LRP4: variants seen among roughly 807,000 people sequenced by gnomAD.
LRP4 encodes the protein LDL receptor related protein 4, also known as low-density lipoprotein receptor-related protein 4.
In LRP4, 95 loss-of-function variants were observed where a neutral mutation model predicts 220.3. The observed-to-expected ratio is 0.43, with a 90% CI of 0.37 to 0.51. The LOEUF is 0.51. Ranked by LOEUF, LRP4 falls within the 20% of genes least tolerant of loss-of-function variation. The probability of loss-of-function intolerance (pLI) is 0.00; values close to 1 mark genes in which losing one functional copy is unlikely to be tolerated. For synonymous variants in LRP4, 903 were observed against 954.6 expected, an observed-to-expected ratio of 0.95 and a Z score of 1.00; for missense variants, 1,925 against 2,567.0, an observed-to-expected ratio of 0.75 and a Z score of 5.40.
intron 7 of LRP4, among the ~76,000 whole-genome samples, chr11:46,897,997 G>T (rs796928310): frequency 7.5e-6 from 1 of 132,528 alleles, no homozygotes; most frequent in Admixed American, 7.5e-5. Flanking sequence ...CTGGCCGGGC[G>T]GGGGGCTGAC....
chr11:46,874,229 G>A (rs148851146), intron 28 of LRP4: 1 of 162,228 alleles, frequency 6.2e-6, no homozygotes, highest in Non-Finnish European at 1.4e-5. Flanking sequence ...CCCAGTTTGA[G>A]ATTCTAATAC....
Position 46,864,428 on chromosome 11 carries a change from T to C in LRP4, c.5243+20A>G, listed in dbSNP as rs1489510664. The stretch of plus-strand genomic sequence containing the variant: ...TGAAGACCAATGAGCATGTGGCCCC[T>C]GTAGCAAGACTGAAGTTACCTGTAC... On this transcript the variant is annotated intron_variant, in intron 36 of 37. Transcript: ENST00000378623. 1.9e-6 allele frequency: 3 copies of C among 1,579,240 alleles called. No homozygotes were observed. Among genetic ancestry groups the C allele is most frequent in the African/African-American group, 1.3e-5 (1 of 74,134 alleles).
At chr11:46,864,125 A>G (rs1328502161) in intron 36 of LRP4, among the ~76,000 whole-genome samples, 1 of 152,196 alleles carries the variant, frequency 6.6e-6, no homozygotes, top group Non-Finnish European at 1.5e-5. Flanking sequence ...TACTGGAAAA[A>G]GCAAAGATGT....
At chr11:46,891,711 G>A (rs1159856960) in intron 13 of LRP4, among the ~76,000 whole-genome samples, 1 of 151,938 alleles carries the variant, frequency 6.6e-6, no homozygotes, top group Non-Finnish European at 1.5e-5. Flanking sequence ...GAACTCCAGG[G>A]CTCAGGTGAT....
rs1286337345 is a variant in LRP4, at chr11:46,890,347, C to T, written c.1845G>A (p.Val615=). 6.2e-7 allele frequency: 1 copy of T among 1,614,042 alleles called. No homozygotes were observed. Among genetic ancestry groups the T allele is most frequent in the African/African-American group, 1.3e-5 (1 of 74,922 alleles). The change falls in exon 14 of 38, where the codon GTG becomes GTA. Residue 615 remains valine, a synonymous_variant. Transcript: ENST00000378623. The surrounding 1 kb of genome is among the most constrained non-coding windows in gnomAD (Gnocchi z 5.3). Reference sequence around the variant, plus strand: ...TCTCGATGACATGGTGCTTAGCATCCACCCAGTACATACGGCGCCCGGCAT... The same window carrying T: ...TCTCGATGACATGGTGCTTAGCATCTACCCAGTACATACGGCGCCCGGCAT... The part of the protein sequence containing the change: ...IDYAGRRMYW[V]DAKHHVIERA...
Position 46,890,220 on chromosome 11 carries a change from G to A in LRP4, c.1915+57C>T, listed in dbSNP as rs1283314035. The A allele has an allele frequency of 6.2e-7, 1 of 1,605,350 alleles. No individual in the cohort carries two copies. Among genetic ancestry groups the A allele is most frequent in the Non-Finnish European group, 8.5e-7 (1 of 1,172,420 alleles). On this transcript the variant is annotated intron_variant, in intron 14 of 37. Coordinates refer to ENST00000378623, the MANE Select transcript of LRP4 (RefSeq NM_002334.4). The surrounding 1 kb of genome is among the most constrained non-coding windows in gnomAD (Gnocchi z 5.3). ...CAAAACCTCTACCAAGGCTCCTGGGGGGCAGGGACGGGGGCAGGAGGACAA... is the reference window on the plus strand; with the variant it reads ...CAAAACCTCTACCAAGGCTCCTGGGAGGCAGGGACGGGGGCAGGAGGACAA...
At position 46,873,161 on chromosome 11, in the gene LRP4, C is replaced by A. The variant is rs1940915059; in HGVS notation, c.4522G>T (p.Val1508Phe). The part of the protein sequence containing the change: ...RANLDGSERK[V>F]LINTDLGWPN... Reference sequence around the variant, plus strand: ...CAACCCAGGTCTGTGTTGATGAGGACCTTCCGCTCAGAACCATCCAAGTTT... The same window carrying A: ...CAACCCAGGTCTGTGTTGATGAGGAACTTCCGCTCAGAACCATCCAAGTTT... The change falls in exon 30 of 38, where the codon GTC becomes TTC. Residue 1508 changes from valine to phenylalanine, a missense_variant. By Grantham distance (50) the Val-to-Phe change is conservative. Transcript: ENST00000378623. This position sits in a 1 kb window ranked among gnomAD's most constrained non-coding sequence, Gnocchi z 4.2. 6.2e-7 allele frequency: 1 copy of A among 1,614,062 alleles called. No homozygotes were observed. Among genetic ancestry groups the A allele is most frequent in the African/African-American group, 1.3e-5 (1 of 74,912 alleles).
intron 34 of LRP4, among the ~76,000 whole-genome samples, chr11:46,865,466 A>G (rs1165421754): frequency 1.3e-5 from 2 of 152,254 alleles, no homozygotes; most frequent in African/African-American, 2.4e-5. Context: ...GTCTGCAGAA[A>G]GAATACTAAG....
chr11:46,902,454 C>T (rs760530004), intron 2 of LRP4, among the ~76,000 whole-genome samples: 1 of 150,106 alleles, frequency 6.7e-6, no homozygotes, highest in Non-Finnish European at 1.5e-5. Flanking sequence ...AATTTTAAAA[C>T]GCACAAATAT....
intron 16 of LRP4, among the ~76,000 whole-genome samples, chr11:46,887,416 G>A (rs1455336108): frequency 6.6e-6 from 1 of 152,166 alleles, no homozygotes; most frequent in Non-Finnish European, 1.5e-5. Flanking sequence ...CAAGAGGAAA[G>A]GGCCAGGCAT....
chr11:46,866,036 G>A (rs1940687815), intron 34 of LRP4, among the ~76,000 whole-genome samples: 1 of 151,644 alleles, frequency 6.6e-6, no homozygotes, highest in South Asian at 2.1e-4. Flanking sequence ...GTTTTTATTT[G>A]GGATCATTAT....
At chr11:46,863,321 C>T (rs1176439342) in intron 36 of LRP4, among the ~76,000 whole-genome samples, 2 of 152,148 alleles carry the variant, frequency 1.3e-5, no homozygotes, top group African/African-American at 4.8e-5. Context: ...CATTTTAAGT[C>T]ACTAAGTTTT....
chr11:46,877,591 C>T (rs1223450367), intron 22 of LRP4, among the ~76,000 whole-genome samples: 3 of 152,166 alleles, frequency 2.0e-5, no homozygotes, highest in African/African-American at 7.2e-5. Flanking sequence ...CCTCAGCCCC[C>T]TGAGTAGCTG....
intron 34 of LRP4, among the ~76,000 whole-genome samples, chr11:46,866,302 G>A (rs550632840): frequency 9.6e-4 from 126 of 131,720 alleles, no homozygotes; most frequent in Non-Finnish European, 1.6e-3. Context: ...TTTTTTTTTT[G>A]AGACAGGGTC....
chr11:46,860,564 C>G (rs1940518951), intron 37 of LRP4, among the ~76,000 whole-genome samples: 1 of 152,164 alleles, frequency 6.6e-6, no homozygotes, highest in Non-Finnish European at 1.5e-5. Flanking sequence ...GTATTCCTGC[C>G]AAGAGTTCTG....
In LRP4 at chr11:46,873,064, C is replaced by T. The variant is rs779097874; in HGVS notation, c.4583+36G>A. 1.2e-5 allele frequency: 19 copies of T among 1,613,918 alleles called. No homozygotes were observed. The highest frequency in any genetic ancestry group is 1.7e-5 in the Admixed American group (1 of 60,004). On this transcript the variant is annotated intron_variant, in intron 30 of 37. Coordinates refer to ENST00000378623, the MANE Select transcript of LRP4 (RefSeq NM_002334.4). The surrounding 1 kb of genome is among the most constrained non-coding windows in gnomAD (Gnocchi z 4.2). Reference sequence around the variant, plus strand: ...TCAACCATTCTCTCTTCTGCCCACCCGATTTCCAGGAGGCTGTTTGATGCA... The same window carrying T: ...TCAACCATTCTCTCTTCTGCCCACCTGATTTCCAGGAGGCTGTTTGATGCA...
At chr11:46,892,662 C>G (rs1941446873) in intron 13 of LRP4, among the ~76,000 whole-genome samples, 2 of 151,718 alleles carry the variant, frequency 1.3e-5, no homozygotes, top group Admixed American at 6.6e-5. Flanking sequence ...ACCTGTGCCT[C>G]CTGGGTTCAA....
At chr11:46,865,290 A>G (rs771878431) in intron 34 of LRP4, 104 bp from the exon 35 acceptor site, 4 of 779,906 alleles carry the variant, frequency 5.1e-6, no homozygotes, top group African/African-American at 1.7e-5. Context: ...GCTTTCAGGT[A>G]TGAGAATGTA....
chr11:46,867,437 G>A (rs1186332835), intron 34 of LRP4, among the ~76,000 whole-genome samples: 1 of 152,070 alleles, frequency 6.6e-6, no homozygotes, highest in Non-Finnish European at 1.5e-5. Context: ...GTTTAAAGTT[G>A]TTCTTTTTTT....
Sources: allele counts gnomAD v4.1 joint callset (sites outside exome capture counted in the v4.1 genomes callset), GRCh38; gene constraint gnomAD v4.1.1; non-coding constraint Gnocchi (gnomAD v3.1); transcripts MANE v1.5; gene names NCBI Gene and HGNC (gene_info 2026-07-23, HGNC 2026-07-21).